The following PFKP variants were observed in gnomAD, a reference collection of about 807,000 sequenced individuals.
PFKP encodes the protein ATP-dependent 6-phosphofructokinase, platelet type.
A neutral mutation model predicts 94.3 loss-of-function variants in PFKP; 101 were observed. That is an observed-to-expected ratio of 1.07 (90% CI 0.91 to 1.26). The LOEUF is 1.26. Among genes scored for constraint, PFKP ranks in the 50% most tolerant of loss-of-function variants. The pLI is 0.00. For synonymous variants in PFKP, 573 were observed against 432.6 expected, an observed-to-expected ratio of 1.32 and a Z score of -4.03; for missense variants, 1,145 against 1,103.3, an observed-to-expected ratio of 1.04 and a Z score of -0.53.
Position 3,108,771 on chromosome 10 carries a change from C to T in PFKP, c.941C>T (p.Pro314Leu). ...GGGCACGTGCAGAGAGGAGGGACCC[C>T]TTCGGCATTCGACAGGATCTTGGTG... ...ILGHVQRGGT[P>L]SAFDRILASR... Residue 314 changes from proline to leucine, a missense_variant, in exon 9 of 22, where the codon CCT (proline) becomes CTT (leucine). Pro to Leu is a moderately conservative substitution (Grantham distance 98). Around this residue, in one of 3 missense-constraint regions of PFKP, gnomAD observed 1,119 missense variants for 1,062.8 expected, o/e 1.05. Coordinates refer to ENST00000381125, the MANE Select transcript of PFKP (RefSeq NM_002627.5). The T allele has an allele frequency of 6.2e-7, 1 of 1,613,318 alleles. No individual in the cohort carries two copies. The highest frequency in any genetic ancestry group is 8.5e-7 in the Non-Finnish European group (1 of 1,179,296).
chr10:3,128,794 G>A (rs1048375663), intron 16 of PFKP, among the ~76,000 whole-genome samples: 2 of 152,346 alleles, frequency 1.3e-5, no homozygotes, highest in Middle Eastern at 3.4e-3. Flanking sequence ...AGGTTCCAGG[G>A]ATTAGGGATA....
At chr10:3,093,925 G>A (rs539106043) in intron 2 of PFKP, among the ~76,000 whole-genome samples, 1 of 152,198 alleles carries the variant, frequency 6.6e-6, no homozygotes, top group Non-Finnish European at 1.5e-5. Context: ...TTACAGGCGT[G>A]AGCCACCGCA....
At chr10:3,127,779 G>GAGGA (rs1838121466) in intron 16 of PFKP, among the ~76,000 whole-genome samples, 1 of 152,170 alleles carries the variant, frequency 6.6e-6, no homozygotes, top group Non-Finnish European at 1.5e-5. Context: ...TCTACACAAT[G>GAGGA]CAAAGTGGCC....
intron 17 of PFKP, 43 bp from the exon 18 acceptor site, chr10:3,132,337 T>G (rs372594768): frequency 2.1e-6 from 3 of 1,402,914 alleles, no homozygotes; most frequent in Non-Finnish European, 3.0e-6. Flanking sequence ...AGTAGGTACT[T>G]AGTAGAAGTT....
chr10:3,122,063 T>C (rs556354655), intron 16 of PFKP, among the ~76,000 whole-genome samples: 1 of 139,742 alleles, frequency 7.2e-6, no homozygotes, highest in Non-Finnish European at 1.6e-5. Flanking sequence ...GCTCAAGCAA[T>C]CCCCCTGTCT....
intron 16 of PFKP, among the ~76,000 whole-genome samples, chr10:3,128,610 CACGCCTTGT>C (rs887814788): frequency 7.4e-5 from 11 of 149,164 alleles, no homozygotes; most frequent in Admixed American, 4.0e-4. Context: ...GCGGGCCTTG[CACGCCTTGT>C]ACGCCTTGTT....
At chr10:3,105,994 G>A (rs896319521) in intron 7 of PFKP, among the ~76,000 whole-genome samples, 2 of 152,222 alleles carry the variant, frequency 1.3e-5, no homozygotes, top group South Asian at 4.1e-4. Context: ...TGGCCCAGCA[G>A]TGTGAGGCCT....
intron 14 of PFKP, among the ~76,000 whole-genome samples, chr10:3,118,422 T>C (rs982046536): frequency 6.6e-6 from 1 of 152,144 alleles, no homozygotes; most frequent in African/African-American, 2.4e-5. Flanking sequence ...GAGCTGAGAT[T>C]ACGCCACTAC....
rs1447557346 is a variant in PFKP at position 3,129,853 on chromosome 10, C to T, written c.1718C>T (p.Thr573Ile). Reference protein sequence around the residue: ...CDRIKQSASGTKRRVFIIETM... With the variant: ...CDRIKQSASGIKRRVFIIETM... ...CGCATCAAGCAGTCCGCCAGCGGAA[C>T]CAAGCGGCGCGTGTTCATCATCGAG... The change falls in exon 17 of 22, where the codon ACC (threonine) becomes ATC (isoleucine). Residue 573 changes from threonine to isoleucine, a missense_variant. This residue lies in a region of PFKP where 1,119 missense variants were observed against 1,062.8 expected (regional missense o/e 1.05). Transcript: ENST00000381125. 3 of 1,613,674 alleles carry T rather than the reference C, an allele frequency of 1.9e-6. No homozygotes were observed. Among genetic ancestry groups the T allele is most frequent in the Non-Finnish European group, 2.5e-6 (3 of 1,179,994 alleles).
chr10:3,073,794 CGATTAA>C (rs1436475805), intron 1 of PFKP, among the ~76,000 whole-genome samples: 1 of 152,084 alleles, frequency 6.6e-6, no homozygotes, highest in African/African-American at 2.4e-5. Context: ...TGTCTTACTA[CGATTAA>C]GATTTTATTT....
At chr10:3,115,921 G>A (rs772316110) in intron 13 of PFKP, among the ~76,000 whole-genome samples, 3 of 152,112 alleles carry the variant, frequency 2.0e-5, no homozygotes, top group Non-Finnish European at 2.9e-5. Flanking sequence ...ACCACTGCCC[G>A]CCCTTCTGTG....
At position 3,118,550 on chromosome 10, in the gene PFKP, T is replaced by G. The variant is rs184414530; in HGVS notation, c.1443-232T>G. On this transcript the variant is annotated intron_variant, in intron 14 of 21. Transcript: ENST00000381125. ...GTAGAGTTCTTTTTAGGTCAAGGTATGAGCTGAAATGCTTTATTCCATTTT... is the reference window on the plus strand; with the variant it reads ...GTAGAGTTCTTTTTAGGTCAAGGTAGGAGCTGAAATGCTTTATTCCATTTT... 1.5e-3 allele frequency among the ~76,000 whole-genome samples: 234 copies of G among 152,398 alleles called. 2 individuals carry two copies. Among genetic ancestry groups the G allele is most frequent in the African/African-American group, 5.2e-3 (215 of 41,592 alleles).
chr10:3,098,286 A>G (rs181473111), intron 2 of PFKP, among the ~76,000 whole-genome samples: 17 of 152,272 alleles, frequency 1.1e-4, no homozygotes, highest in Middle Eastern at 3.4e-3. Context: ...TGCTGTGGAA[A>G]GTGAGTTATG....
intron 16 of PFKP, 105 bp downstream of exon 16, chr10:3,120,149 C>T: frequency 2.3e-6 from 2 of 873,880 alleles, no homozygotes; most frequent in South Asian, 1.5e-5. Context: ...TTACAAATAC[C>T]CTGAATGAGA....
rs1455463708 is a variant in PFKP, at chr10:3,129,749, G to T, written c.1684-70G>T. On this transcript the variant is annotated intron_variant, in intron 16 of 21. Transcript: ENST00000381125. ...GGGGGGCCTTGCTGCACTCACTCTT[G>T]GGGGAGCTCTGGGATGGTGGGCGCG... 5 of 1,545,006 alleles carry T rather than the reference G, an allele frequency of 3.2e-6. No individual in the cohort carries two copies. In the East Asian group the frequency reaches 9.0e-5, roughly 28 times the overall value.
chr10:3,116,892 G>A, intron 14 of PFKP, 46 bp downstream of exon 14: 1 of 1,399,798 alleles, frequency 7.1e-7, no homozygotes, highest in Non-Finnish European at 1.0e-6. Context: ...AAGGAAGAAG[G>A]AAGAGCCGTG....
At chr10:3,121,821 T>TC (rs1837453042) in intron 16 of PFKP, among the ~76,000 whole-genome samples, 1 of 58,132 alleles carries the variant, frequency 1.7e-5, no homozygotes, top group Non-Finnish European at 3.7e-5. Flanking sequence ...TTTTTTTTTT[T>TC]TTTTTTTTTC....
intron 4 of PFKP, among the ~76,000 whole-genome samples, chr10:3,102,157 AG>A (rs1201971451): frequency 7.1e-6 from 1 of 141,046 alleles, no homozygotes; most frequent in African/African-American, 2.6e-5. Context: ...AGGCTGAGGC[AG>A]GAGAATGGCG....
chr10:3,076,818 A>AGG (rs1290099032), intron 1 of PFKP, among the ~76,000 whole-genome samples: 1 of 152,096 alleles, frequency 6.6e-6, no homozygotes, highest in Non-Finnish European at 1.5e-5. Flanking sequence ...CCCTACTAGA[A>AGG]GACACGGTGG....
Sources: gnomAD v4.1 joint callset for allele counts (sites outside exome capture counted in the v4.1 genomes callset) on GRCh38, gnomAD v4.1.1 for gene constraint, gnomAD v4.1.1 regional missense constraint, MANE v1.5 for transcripts, NCBI Gene and HGNC (gene_info 2026-07-23, HGNC 2026-07-21) for gene names.